The following ADAMTS2 variants were observed in gnomAD, a reference collection of about 807,000 sequenced individuals.
ADAMTS2 encodes A disintegrin and metalloproteinase with thrombospondin motifs 2.
A neutral mutation model predicts 123.0 loss-of-function variants in ADAMTS2; 50 were observed. The ratio of observed to expected loss-of-function variants is 0.41; its 90% confidence interval spans 0.32 to 0.51. The LOEUF is 0.51. Ranked by LOEUF, ADAMTS2 falls within the 20% of genes least tolerant of loss-of-function variation. ADAMTS2 has a pLI of 0.35. For missense variants in ADAMTS2, 1,494 were observed against 1,705.2 expected (o/e 0.88, Z 2.18); for synonymous variants, 678 against 695.4 (o/e 0.98, Z 0.39).
chr5:179,290,996 G>A (rs1756168898), intron 2 of ADAMTS2, among the ~76,000 whole-genome samples: 1 of 152,218 alleles, frequency 6.6e-6, no homozygotes, highest in African/African-American at 2.4e-5. Context: ...TGTGCATGGG[G>A]CCACGGATGC....
Position 179,135,965 on chromosome 5 carries a change from C to T in ADAMTS2, c.2029G>A (p.Gly677Arg). The change falls in exon 13 of 22, where the codon GGG becomes AGG. Residue 677 changes from glycine (G) to arginine (R), a missense_variant. Around this residue, in one of 6 missense-constraint regions of ADAMTS2, gnomAD observed 953 missense variants for 1,124.7 expected, o/e 0.85. Transcript: ENST00000251582. ...VVSMKRMVHD[G>R]TRCSYKDAFS... Reference sequence around the variant, plus strand: ...GCGTCCTTGTAGGAGCAGCGCGTCCCGTCATGCACCATGCGCTTCATGGAC... The same window carrying T: ...GCGTCCTTGTAGGAGCAGCGCGTCCTGTCATGCACCATGCGCTTCATGGAC... 1.9e-6 allele frequency: 3 copies of T among 1,613,420 alleles called. No individual in the cohort carries two copies. The highest frequency in any genetic ancestry group is 2.5e-6 in the Non-Finnish European group (3 of 1,180,034).
At chr5:179,126,764 T>C (rs1415181398) in intron 17 of ADAMTS2, among the ~76,000 whole-genome samples, 1 of 152,148 alleles carries the variant, frequency 6.6e-6, no homozygotes. Flanking sequence ...AAAGAAAGCA[T>C]GGAGATAAAG....
In ADAMTS2 at chr5:179,117,413, C is replaced by A. The variant is rs1762674629; in HGVS notation, c.3179-3089G>T. Among the ~76,000 whole-genome samples the A allele has an allele frequency of 6.6e-6, 1 of 152,216 alleles. No individual in the cohort carries two copies. The highest frequency in any genetic ancestry group is 6.5e-5 in the Admixed American group (1 of 15,284). ...ACATCTCCACTCCCTCACTGTCTCC[C>A]CCACCAGGCTGGGATCCCTGAAAAG... On this transcript the variant is annotated intron_variant, in intron 21 of 21. Coordinates refer to ENST00000251582, the MANE Select transcript of ADAMTS2 (RefSeq NM_014244.5). This position sits in a 1 kb window ranked among gnomAD's most constrained non-coding sequence, Gnocchi z 4.2.
chr5:179,227,575 C>T (rs1052486660), intron 3 of ADAMTS2, among the ~76,000 whole-genome samples: 3 of 152,138 alleles, frequency 2.0e-5, no homozygotes, highest in African/African-American at 7.2e-5. Flanking sequence ...TGGGCTGGGA[C>T]CACAGAGTGA....
chr5:179,192,658 T>C (rs1281693462), intron 4 of ADAMTS2, among the ~76,000 whole-genome samples: 3 of 152,148 alleles, frequency 2.0e-5, no homozygotes, highest in Non-Finnish European at 4.4e-5. Context: ...CAGGCGCGGG[T>C]GGGAGGTCTT....
chr5:179,156,008 G>A (rs1172162380), intron 6 of ADAMTS2, among the ~76,000 whole-genome samples: 2 of 152,088 alleles, frequency 1.3e-5, no homozygotes, highest in Non-Finnish European at 2.9e-5. Context: ...TGCATTTTTT[G>A]CTCTGCAGAT....
chr5:179,245,444 A>G (rs1422857199), intron 3 of ADAMTS2, among the ~76,000 whole-genome samples: 2 of 152,168 alleles, frequency 1.3e-5, no homozygotes, highest in Non-Finnish European at 2.9e-5. Context: ...ATCAAAAACC[A>G]ACACAAGTTG....
intron 2 of ADAMTS2, among the ~76,000 whole-genome samples, chr5:179,326,819 C>G (rs933462968): frequency 6.6e-6 from 1 of 151,966 alleles, no homozygotes. Context: ...CTCCAGCGCA[C>G]GGGACCTTGC....
chr5:179,315,267 T>TTGGCTTCTGGAAAGCACTGAGGCCACAGA (rs1756957873), intron 2 of ADAMTS2, among the ~76,000 whole-genome samples: 1 of 152,032 alleles, frequency 6.6e-6, no homozygotes, highest in Non-Finnish European at 1.5e-5. Flanking sequence ...GAGGCCACAG[T>TTGGCTTCTGGAAAGCACTGAGGCCACAGA]TGGCTTCTGG....
At chr5:179,133,693 C>A (rs1763003450) in intron 13 of ADAMTS2, among the ~76,000 whole-genome samples, 1 of 151,826 alleles carries the variant, frequency 6.6e-6, no homozygotes, top group African/African-American at 2.4e-5. Flanking sequence ...TATTACCTGT[C>A]AAAATCAACA....
chr5:179,136,008 C>G lies in ADAMTS2; in HGVS notation c.1986G>C (p.Arg662Ser), dbSNP rs142342048. The G allele has an allele frequency of 6.2e-7, 1 of 1,613,324 alleles. No homozygotes were observed. Among genetic ancestry groups the G allele is most frequent in the African/African-American group, 1.3e-5 (1 of 74,908 alleles). ...KERCHLYCES[R>S]ETGEVVSMKR... The stretch of plus-strand genomic sequence containing the variant: ...TCATGGACACCACCTCCCCGGTCTC[C>G]CTGGACTCGCAGTACAGGTGGCATC... The change falls in exon 13 of 22, where the codon AGG (arginine) becomes AGC (serine). Residue 662 changes from arginine (R) to serine (S), a missense_variant. By Grantham distance (110) the Arg-to-Ser change is moderately radical (BLOSUM62 -1). Coordinates refer to ENST00000251582, the MANE Select transcript of ADAMTS2 (RefSeq NM_014244.5).
At chr5:179,179,314 C>G (rs1763997183) in intron 5 of ADAMTS2, among the ~76,000 whole-genome samples, 1 of 151,106 alleles carries the variant, frequency 6.6e-6, no homozygotes, top group Admixed American at 6.6e-5. Context: ...ATAAATTCTG[C>G]TGCCCCCACC....
In ADAMTS2 at chr5:179,132,761, G is replaced by C. The variant is rs375802817; in HGVS notation, c.2209+16C>G. 4 of 1,613,908 alleles carry C rather than the reference G, an allele frequency of 2.5e-6. No homozygotes were observed. Among genetic ancestry groups the C allele is most frequent in the Non-Finnish European group, 3.4e-6 (4 of 1,179,982 alleles). Reference sequence around the variant, plus strand: ...AGGCATCCAGGCTCCAGGGTGGAGAGCAGGGACCCACTCACCATGCTTCTT... The same window carrying C: ...AGGCATCCAGGCTCCAGGGTGGAGACCAGGGACCCACTCACCATGCTTCTT... On this transcript the variant is annotated intron_variant, in intron 14 of 21. Transcript: ENST00000251582. The surrounding 1 kb of genome is among the most constrained non-coding windows in gnomAD (Gnocchi z 6.1).
At chr5:179,140,977 T>C (rs12515651) in intron 10 of ADAMTS2, among the ~76,000 whole-genome samples, 26,659 of 150,360 alleles carry the variant, frequency 0.18, 2,910 homozygotes, top group Non-Finnish European at 0.25. Flanking sequence ...TTTTTGCATT[T>C]TTTTTTTTTT....
rs143679880 is a variant in ADAMTS2, at chr5:179,145,429, C to T, written c.1630-5394G>A. On this transcript the variant is annotated intron_variant, in intron 10 of 21. Transcript: ENST00000251582. ...AATACTTTGTACACGAATGTTTGTG[C>T]GGTATTTCCCATCATTACCGAAAGG... is the stretch of plus-strand genomic sequence containing the variant. Among the ~76,000 whole-genome samples, 951 of 152,206 alleles carry T rather than the reference C, an allele frequency of 6.2e-3. 7 individuals carry two copies. The highest frequency in any genetic ancestry group is 0.021 in the African/African-American group (861 of 41,506).
intron 13 of ADAMTS2, among the ~76,000 whole-genome samples, chr5:179,133,307 G>C (rs1289205897): frequency 6.6e-6 from 1 of 151,990 alleles, no homozygotes; most frequent in South Asian, 2.1e-4. Context: ...TTGCTCTGTC[G>C]CCCAGGCTGG....
chr5:179,194,035 T>C (rs1260327202), intron 4 of ADAMTS2, among the ~76,000 whole-genome samples: 1 of 152,176 alleles, frequency 6.6e-6, no homozygotes, highest in Non-Finnish European at 1.5e-5. Context: ...CAAGCTGTCA[T>C]CCGGGTGTGT....
At chr5:179,131,550 C>T (rs945390051) in intron 15 of ADAMTS2, among the ~76,000 whole-genome samples, 2 of 151,920 alleles carry the variant, frequency 1.3e-5, no homozygotes, top group African/African-American at 2.4e-5. Context: ...ATCCAGGGGC[C>T]CCAGCAGTCC....
At chr5:179,135,476 A>G (rs955028367) in intron 13 of ADAMTS2, among the ~76,000 whole-genome samples, 1 of 152,232 alleles carries the variant, frequency 6.6e-6, no homozygotes, top group Non-Finnish European at 1.5e-5. Flanking sequence ...GCATTTCTAC[A>G]AAGCACCAAA....
Sources: allele counts gnomAD v4.1 joint callset (sites outside exome capture counted in the v4.1 genomes callset), GRCh38; gene constraint gnomAD v4.1.1; regional missense constraint gnomAD v4.1.1; non-coding constraint Gnocchi (gnomAD v3.1); transcripts MANE v1.5; gene names NCBI Gene and HGNC (gene_info 2026-07-23, HGNC 2026-07-21).